The following TRIO variants were observed in gnomAD, a reference collection of about 807,000 sequenced individuals.
TRIO encodes the protein trio Rho guanine nucleotide exchange factor.
TRIO carries 58 observed loss-of-function variants against 351.9 expected under a neutral mutation model. The observed-to-expected ratio is 0.16, with a 90% confidence interval of 0.13 to 0.21. The LOEUF (loss-of-function observed/expected upper bound fraction) is 0.21, where lower values mean the gene tolerates loss of function less well. Among genes scored for constraint, TRIO ranks in the 10% least tolerant of loss-of-function variants. TRIO has a pLI of 1.00. For synonymous variants in TRIO, 1,758 were observed against 1,595.7 expected, an observed-to-expected ratio of 1.10 and a Z score of -2.42; for missense variants, 3,201 against 4,027.8, an observed-to-expected ratio of 0.79 and a Z score of 5.56.
chr5:14,286,867 G>T lies in TRIO; in HGVS notation c.348-4G>T. The T allele has an allele frequency of 1.9e-6, 3 of 1,610,792 alleles. No homozygotes were observed. Among genetic ancestry groups the T allele is most frequent in the South Asian group, 2.2e-5 (2 of 90,722 alleles). ...GTCTTCAGCCATGTTTTCTTTCTCT[G>T]CAGCGAGGAGGTCTGCAAGCGTGGC... On this transcript the variant is annotated splice_polypyrimidine_tract_variant and splice_region_variant and intron_variant, in intron 3 of 56. Transcript: ENST00000344204. This position sits in a 1 kb window ranked among gnomAD's most constrained non-coding sequence, Gnocchi z 4.4.
In TRIO at chr5:14,508,710, C is replaced by T. The variant is rs1757890676; in HGVS notation, c.*288C>T. Reference sequence around the variant, plus strand: ...TAAAAAGATAACTTTTTTAAACAAACATGAATAGAATTTTGCAAATTTAAC... The same window carrying T: ...TAAAAAGATAACTTTTTTAAACAAATATGAATAGAATTTTGCAAATTTAAC... On this transcript the variant is annotated 3_prime_UTR_variant, in exon 57 of 57. Coordinates refer to ENST00000344204, the MANE Select transcript of TRIO (RefSeq NM_007118.4). 3.1e-6 allele frequency: 1 copy of T among 322,986 alleles called. No homozygotes were observed. The highest frequency in any genetic ancestry group is 4.5e-5 in the Admixed American group (1 of 22,144). The allele number at this position is 322,986 out of a possible 1,614,324, so 20.0% of individuals were successfully genotyped here.
intron 1 of TRIO, among the ~76,000 whole-genome samples, chr5:14,233,722 T>C (rs1225961987): frequency 6.6e-6 from 1 of 152,104 alleles, no homozygotes; most frequent in African/African-American, 2.4e-5. Context: ...TATTTTTTTG[T>C]AGATATGAGA....
chr5:14,415,674 T>G (rs1354170581), intron 33 of TRIO, among the ~76,000 whole-genome samples: 4 of 152,218 alleles, frequency 2.6e-5, no homozygotes, highest in Non-Finnish European at 4.4e-5. Flanking sequence ...TTCTCTCGGG[T>G]GAAACACAGT....
intron 55 of TRIO, among the ~76,000 whole-genome samples, chr5:14,506,348 C>G (rs1342362486): frequency 2.0e-5 from 3 of 152,242 alleles, no homozygotes; most frequent in Non-Finnish European, 4.4e-5. Context: ...GCTAGACAGG[C>G]AGCTGATCTT....
chr5:14,212,267 C>G lies in TRIO; in HGVS notation c.158-58558C>G, dbSNP rs16903314. On this transcript the variant is annotated intron_variant, in intron 1 of 56. Transcript: ENST00000344204. ...CAGCTTCCATCCCTATAAGGACCAA[C>G]AGGCGGGTTTCTGAGGACCAGAAAA... 4.5e-3 allele frequency among the ~76,000 whole-genome samples: 679 copies of G among 152,270 alleles called. 8 individuals are homozygous for G. The highest frequency in any genetic ancestry group is 0.016 in the African/African-American group (653 of 41,566).
rs189143435 is a variant in TRIO at position 14,419,320 on chromosome 5, G to A, written c.4960-458G>A. ...GCTTTGCTTCGGTTTCAGGGTCATA[G>A]CCCATTGCCTGTTCAGTCCCGTTCT... On this transcript the variant is annotated intron_variant, in intron 33 of 56. Transcript: ENST00000344204. Among the ~76,000 whole-genome samples the A allele has an allele frequency of 3.7e-4, 56 of 152,238 alleles. No homozygotes were observed. In the East Asian group the frequency reaches 9.9e-3, roughly 27 times the overall value.
At chr5:14,230,534 C>T (rs919625650) in intron 1 of TRIO, among the ~76,000 whole-genome samples, 5 of 152,142 alleles carry the variant, frequency 3.3e-5, no homozygotes, top group Non-Finnish European at 1.5e-5. Context: ...CTTTCCTGTG[C>T]TCTCATAGTG....
At chr5:14,200,322 C>T (rs189313048) in intron 1 of TRIO, among the ~76,000 whole-genome samples, 6 of 152,316 alleles carry the variant, frequency 3.9e-5, no homozygotes, top group Non-Finnish European at 7.3e-5. Context: ...GCTTCCTGCC[C>T]GCGCCCATGA....
rs1787297456 is a variant in TRIO, at chr5:14,143,523, C to G, written c.-203C>G. 6.8e-6 allele frequency among the ~76,000 whole-genome samples: 1 copy of G among 147,630 alleles called. No individual in the cohort carries two copies. The highest frequency in any genetic ancestry group is 2.4e-5 in the African/African-American group (1 of 40,926). ...CCGCCCCTCGGCCAGCTCGCGGCTA[C>G]CGGGCGGAGTCCTCGTCTATGTGGG... On this transcript the variant is annotated 5_prime_UTR_variant, in exon 1 of 57. Coordinates refer to ENST00000344204, the MANE Select transcript of TRIO (RefSeq NM_007118.4).
At chr5:14,313,590 GT>G (rs148244571) in intron 8 of TRIO, among the ~76,000 whole-genome samples, 5,595 of 152,238 alleles carry the variant, frequency 0.037, 350 homozygotes, top group African/African-American at 0.13. Flanking sequence ...TTCTCCCTGT[GT>G]AAAAGAAATC....
At chr5:14,196,338 G>T (rs546407808) in intron 1 of TRIO, among the ~76,000 whole-genome samples, 1 of 146,638 alleles carries the variant, frequency 6.8e-6, no homozygotes, top group South Asian at 2.2e-4. Flanking sequence ...CAGGAGAATC[G>T]CTTGAATCCA....
intron 1 of TRIO, among the ~76,000 whole-genome samples, chr5:14,264,312 A>G (rs1011751400): frequency 6.6e-6 from 1 of 151,968 alleles, no homozygotes; most frequent in African/African-American, 2.4e-5. Flanking sequence ...TCTTTCTTTG[A>G]GGTATGCTGT....
intron 2 of TRIO, among the ~76,000 whole-genome samples, chr5:14,274,349 C>T (rs927127031): frequency 3.3e-5 from 5 of 152,148 alleles, no homozygotes; most frequent in African/African-American, 1.2e-4. Flanking sequence ...TTCTTGCAGA[C>T]TAGGAGTTAG....
chr5:14,253,813 T>C (rs1794877964), intron 1 of TRIO, among the ~76,000 whole-genome samples: 2 of 152,170 alleles, frequency 1.3e-5, no homozygotes, highest in Non-Finnish European at 2.9e-5. Context: ...CTCACTCTCA[T>C]TCTCTCCAAA....
chr5:14,499,014 A>G (rs1269740849), intron 53 of TRIO: 1 of 207,556 alleles, frequency 4.8e-6, no homozygotes, highest in African/African-American at 2.3e-5. Context: ...ATATCCAGCT[A>G]CCCAGCTGAA....
At chr5:14,304,115 G>A (rs1461124045) in intron 7 of TRIO, among the ~76,000 whole-genome samples, 1 of 152,180 alleles carries the variant, frequency 6.6e-6, no homozygotes, top group Admixed American at 6.5e-5. Flanking sequence ...GGAGTGCAGG[G>A]CAGTTAGAAA....
At chr5:14,364,879 C>G (rs963284807) in intron 15 of TRIO, 63 bp downstream of exon 15, 1 of 1,520,420 alleles carries the variant, frequency 6.6e-7, no homozygotes, top group East Asian at 2.3e-5. Context: ...TCATCGACTT[C>G]CCGGAAATTC....
At chr5:14,365,901 G>A (rs1246640971) in intron 15 of TRIO, among the ~76,000 whole-genome samples, 1 of 152,178 alleles carries the variant, frequency 6.6e-6, no homozygotes, top group Non-Finnish European at 1.5e-5. Context: ...AACGCATAAT[G>A]AGAAAGAGGC....
chr5:14,165,706 G>A (rs1351059374), intron 1 of TRIO, among the ~76,000 whole-genome samples: 1 of 152,188 alleles, frequency 6.6e-6, no homozygotes, highest in Non-Finnish European at 1.5e-5. Flanking sequence ...GGGAAGGGAT[G>A]TAGCCCTTCG....
Sources: gnomAD v4.1 joint callset for allele counts (sites outside exome capture counted in the v4.1 genomes callset) on GRCh38, gnomAD v4.1.1 for gene constraint, Gnocchi (gnomAD v3.1) non-coding constraint, MANE v1.5 for transcripts, NCBI Gene and HGNC (gene_info 2026-07-23, HGNC 2026-07-21) for gene names.